CFDP1: variants seen among roughly 807,000 people sequenced by gnomAD.
CFDP1 encodes heterochromatin-stabilizing protein CFDP1.
A neutral mutation model predicts 40.1 loss-of-function variants in CFDP1; 31 were observed. That is an observed-to-expected ratio of 0.77 (90% confidence interval 0.58 to 1.04). The LOEUF (loss-of-function observed/expected upper bound fraction) is 1.04. CFDP1 is among the 50% of genes least tolerant of loss of function. The pLI, the probability that CFDP1 is intolerant of heterozygous loss-of-function variation, is 0.00. For synonymous variants in CFDP1, 167 were observed against 120.0 expected (o/e 1.39, Z -2.56); for missense variants, 423 against 343.4 (o/e 1.23, Z -1.83).
rs58692180 is a variant in CFDP1 at position 75,399,056 on chromosome 16, CAAAAAAAAAAAAA to C, written c.531-3860_531-3848del. Reference sequence around the variant, plus strand: ...TGGGAGACAGAGCGAGACTCCGTCTCAAAAAAAAAAAAAAAAAAAAAAAGAAAACCTGTGAAGT... The same window carrying C: ...TGGGAGACAGAGCGAGACTCCGTCTCAAAAAAAAAAGAAAACCTGTGAAGT... On this transcript the variant is annotated intron_variant, in intron 4 of 6. Coordinates refer to ENST00000283882, the MANE Select transcript of CFDP1 (RefSeq NM_006324.3). Among the ~76,000 whole-genome samples the C allele has an allele frequency of 9.1e-4, 89 of 98,056 alleles. No homozygotes were observed. The South Asian group carries it at 0.03, about 33-fold the overall frequency. The allele number at this position is 98,056 out of a possible 152,430, so 64.3% of individuals were successfully genotyped here. A position where few individuals can be genotyped will look rare whatever the true frequency, so the allele number is the denominator to read the frequency against.
chr16:75,332,795 GTTCT>G (rs1379375209), intron 5 of CFDP1, among the ~76,000 whole-genome samples: 4 of 142,910 alleles, frequency 2.8e-5, no homozygotes, highest in Admixed American at 7.0e-5. Flanking sequence ...GCCTATTCAT[GTTCT>G]TTTTTTTTTT....
chr16:75,391,186 T>C (rs2078946951), intron 5 of CFDP1: 1 of 152,230 alleles, frequency 6.6e-6, no homozygotes, highest in Non-Finnish European at 1.5e-5. Context: ...GTAGAATCTC[T>C]AAGCATCAAC....
intron 5 of CFDP1, among the ~76,000 whole-genome samples, chr16:75,385,329 G>C (rs527466284): frequency 6.6e-6 from 1 of 152,122 alleles, no homozygotes; most frequent in South Asian, 2.1e-4. Context: ...TCAGCTTCTA[G>C]GGATGACAAT....
At chr16:75,357,608 C>T (rs1032840933) in intron 5 of CFDP1, among the ~76,000 whole-genome samples, 2 of 152,192 alleles carry the variant, frequency 1.3e-5, no homozygotes, top group African/African-American at 4.8e-5. Flanking sequence ...TAACTTCAAA[C>T]TTTTCTCCTG....
chr16:75,318,595 T>A (rs13339257), intron 5 of CFDP1, among the ~76,000 whole-genome samples: 43 of 151,766 alleles, frequency 2.8e-4, no homozygotes, highest in Admixed American at 1.1e-3. Flanking sequence ...TAGTAGAGAC[T>A]GGGTTTCACC....
intron 1 of CFDP1, among the ~76,000 whole-genome samples, chr16:75,429,379 C>G (rs552646055): frequency 6.6e-6 from 1 of 152,120 alleles, no homozygotes. Flanking sequence ...CCTGACCAGG[C>G]GTGGTGGCTC....
At chr16:75,303,952 G>A (rs1000756637) in intron 6 of CFDP1, among the ~76,000 whole-genome samples, 1 of 152,204 alleles carries the variant, frequency 6.6e-6, no homozygotes, top group South Asian at 2.1e-4. Context: ...ATGGCTAGGG[G>A]TGAGGACTGT....
chr16:75,296,108 T>G (rs941816303), intron 6 of CFDP1, among the ~76,000 whole-genome samples: 1 of 152,234 alleles, frequency 6.6e-6, no homozygotes, highest in African/African-American at 2.4e-5. Context: ...GAGATCTTGC[T>G]GTGCTGTTGT....
chr16:75,403,879 C>G (rs1052658690), intron 4 of CFDP1, among the ~76,000 whole-genome samples: 1 of 152,016 alleles, frequency 6.6e-6, no homozygotes, highest in African/African-American at 2.4e-5. Context: ...CACCTGTAAT[C>G]CCAGCACTTT....
At chr16:75,418,687 T>C (rs1032486077) in intron 1 of CFDP1, among the ~76,000 whole-genome samples, 1 of 147,588 alleles carries the variant, frequency 6.8e-6, no homozygotes, top group African/African-American at 2.5e-5. Flanking sequence ...ACATCAAGCA[T>C]CTCTAAAGTT....
intron 5 of CFDP1, among the ~76,000 whole-genome samples, chr16:75,374,802 CT>C (rs564750004): frequency 4.5e-4 from 68 of 152,228 alleles, no homozygotes; most frequent in Non-Finnish European, 7.1e-4. Flanking sequence ...AACAATGGAA[CT>C]GAAATAAAAA....
chr16:75,339,839 T>C (rs2151519795), intron 5 of CFDP1, among the ~76,000 whole-genome samples: 1 of 152,340 alleles, frequency 6.6e-6, no homozygotes, highest in South Asian at 2.1e-4. Context: ...GAAGCTGTTC[T>C]AGATATGAAC....
intron 1 of CFDP1, among the ~76,000 whole-genome samples, chr16:75,428,817 T>C (rs2079373806): frequency 6.6e-6 from 1 of 151,714 alleles, no homozygotes; most frequent in Admixed American, 6.6e-5. Flanking sequence ...CATGGTGACA[T>C]ATTAGAAAAT....
intron 5 of CFDP1, among the ~76,000 whole-genome samples, chr16:75,379,380 G>A (rs1052976563): frequency 3.3e-5 from 5 of 151,018 alleles, no homozygotes; most frequent in South Asian, 2.1e-4. Flanking sequence ...TACCAATATC[G>A]GAGGTAATGA....
At chr16:75,378,208 G>C (rs2078818460) in intron 5 of CFDP1, among the ~76,000 whole-genome samples, 2 of 151,966 alleles carry the variant, frequency 1.3e-5, no homozygotes, top group Admixed American at 6.6e-5. Context: ...TACAACTAGA[G>C]GACAAGTCAA....
intron 5 of CFDP1, among the ~76,000 whole-genome samples, chr16:75,393,777 G>C (rs1414196035): frequency 7.4e-6 from 1 of 134,938 alleles, no homozygotes; most frequent in Non-Finnish European, 1.6e-5. Context: ...AAAAAAAGTG[G>C]GGCCGGGCCC....
At chr16:75,324,811 T>G (rs2078391503) in intron 5 of CFDP1, 1 of 152,278 alleles carries the variant, frequency 6.6e-6, no homozygotes, top group East Asian at 1.9e-4. Flanking sequence ...AAGTTGCTTG[T>G]TCTTTTTTCG....
intron 6 of CFDP1, among the ~76,000 whole-genome samples, chr16:75,294,928 G>C (rs1054670981): frequency 6.6e-6 from 1 of 152,206 alleles, no homozygotes; most frequent in Non-Finnish European, 1.5e-5. Flanking sequence ...TGCTTAATGA[G>C]ACACAGCTGC....
intron 5 of CFDP1, among the ~76,000 whole-genome samples, chr16:75,394,460 TC>T (rs2151563548): frequency 6.6e-6 from 1 of 152,314 alleles, no homozygotes; most frequent in East Asian, 1.9e-4. Flanking sequence ...CTTTTTATGT[TC>T]CTCTAAGATC....
Sources: gnomAD v4.1 joint callset for allele counts (sites outside exome capture counted in the v4.1 genomes callset) on GRCh38, gnomAD v4.1.1 for gene constraint, MANE v1.5 for transcripts, NCBI Gene and HGNC (gene_info 2026-07-23, HGNC 2026-07-21) for gene names.